The following PPM1L variants were observed in gnomAD, a reference collection of about 807,000 sequenced individuals.
The protein encoded by PPM1L is protein phosphatase, Mg2+/Mn2+ dependent 1L, also known as protein phosphatase 1L.
PPM1L carries 13 observed loss-of-function variants against 31.4 expected under a neutral mutation model. That is an observed-to-expected ratio of 0.41 (90% CI 0.27 to 0.66). PPM1L has a LOEUF of 0.66. Ranked by LOEUF, PPM1L falls within the 30% of genes least tolerant of loss-of-function variation. The pLI is 0.29. For synonymous variants in PPM1L, 184 were observed against 175.4 expected, an observed-to-expected ratio of 1.05 and a Z score of -0.39; for missense variants, 326 against 453.7, an observed-to-expected ratio of 0.72 and a Z score of 2.56.
chr3:161,020,327 T>C (rs1718206388), intron 2 of PPM1L, among the ~76,000 whole-genome samples: 1 of 152,054 alleles, frequency 6.6e-6, no homozygotes, highest in African/African-American at 2.4e-5. Context: ...AACTTATAAG[T>C]AATTGAGAAA....
At chr3:161,003,906 C>A (rs914712727) in intron 2 of PPM1L, among the ~76,000 whole-genome samples, 1 of 150,550 alleles carries the variant, frequency 6.6e-6, no homozygotes, top group Non-Finnish European at 1.5e-5. Context: ...GAGGGCATCC[C>A]TGTCTTGTGC....
intron 1 of PPM1L, among the ~76,000 whole-genome samples, chr3:160,916,640 T>C (rs548563250): frequency 6.6e-6 from 1 of 151,982 alleles, no homozygotes; most frequent in Non-Finnish European, 1.5e-5. Context: ...TAAAAAAAAT[T>C]TTTTTTAAGA....
chr3:160,898,690 A>G (rs1451919611), intron 1 of PPM1L, among the ~76,000 whole-genome samples: 7 of 152,156 alleles, frequency 4.6e-5, no homozygotes, highest in Non-Finnish European at 1.0e-4. Context: ...CTGACGATAA[A>G]GTTCTAATTC....
intron 1 of PPM1L, among the ~76,000 whole-genome samples, chr3:160,909,732 C>T (rs1039544943): frequency 2.0e-5 from 3 of 152,204 alleles, no homozygotes; most frequent in Admixed American, 1.3e-4. Context: ...AATCAGGGAA[C>T]TGCAGTTGTC....
At chr3:161,002,758 G>C (rs1368769210) in intron 2 of PPM1L, among the ~76,000 whole-genome samples, 2 of 142,808 alleles carry the variant, frequency 1.4e-5, no homozygotes, top group African/African-American at 2.7e-5. Context: ...AGATGAGTAG[G>C]TTGTGAAAAT....
At chr3:160,772,278 C>G (rs192555679) in intron 1 of PPM1L, among the ~76,000 whole-genome samples, 1 of 152,246 alleles carries the variant, frequency 6.6e-6, no homozygotes, top group Admixed American at 6.5e-5. Context: ...TTATGTAATG[C>G]AAACAGATTT....
intron 2 of PPM1L, among the ~76,000 whole-genome samples, chr3:160,997,881 A>G (rs1387572167): frequency 6.6e-6 from 1 of 152,184 alleles, no homozygotes; most frequent in Non-Finnish European, 1.5e-5. Flanking sequence ...ATAAAATTGT[A>G]TATGTCCTGA....
At chr3:161,001,423 C>A (rs1437242276) in intron 2 of PPM1L, among the ~76,000 whole-genome samples, 2 of 152,108 alleles carry the variant, frequency 1.3e-5, no homozygotes, top group Non-Finnish European at 2.9e-5. Flanking sequence ...GTTGGGACTA[C>A]AGGTGTGTGC....
chr3:161,069,213 TTTTAA>T lies in PPM1L; in HGVS notation c.*61_*65del. On this transcript the variant is annotated 3_prime_UTR_variant, in exon 4 of 4. Transcript: ENST00000498165. ...AAAGGACTTTCAACACACTGGTCTC[TTTTAA>T]TTTAGTGAAAAGTGTGGGAGTTGTA... 1 of 1,300,366 alleles carries T rather than the reference TTTTAA, an allele frequency of 7.7e-7. No homozygotes were observed. Among genetic ancestry groups the T allele is most frequent in the Non-Finnish European group, 1.1e-6 (1 of 945,434 alleles). The allele number at this position is 1,300,366 out of a possible 1,614,324, so 80.6% of individuals were successfully genotyped here.
chr3:160,850,309 C>G (rs1241887256), intron 1 of PPM1L, among the ~76,000 whole-genome samples: 1 of 152,194 alleles, frequency 6.6e-6, no homozygotes, highest in Non-Finnish European at 1.5e-5. Context: ...GTTGACCCAG[C>G]AAGAGCAGTT....
chr3:160,969,149 A>G lies in PPM1L; in HGVS notation c.574+7239A>G, dbSNP rs1716243887. Among the ~76,000 whole-genome samples the G allele has an allele frequency of 2.0e-5, 3 of 152,208 alleles. No homozygotes were observed. In the South Asian group the frequency reaches 6.2e-4, roughly 31 times the overall value. On this transcript the variant is annotated intron_variant, in intron 2 of 3. Coordinates refer to ENST00000498165, the MANE Select transcript of PPM1L (RefSeq NM_139245.4). ...CCAGAGGAGGTGAGAAAGGAGGAGC[A>G]GCATTAATTTCTCAGCTTTTGCTTT...
intron 1 of PPM1L, among the ~76,000 whole-genome samples, chr3:160,896,379 C>G (rs1713335699): frequency 6.6e-6 from 1 of 151,954 alleles, no homozygotes; most frequent in South Asian, 2.1e-4. Flanking sequence ...AATCTATTTT[C>G]CATTTATATT....
chr3:160,813,098 A>G (rs988668262), intron 1 of PPM1L, among the ~76,000 whole-genome samples: 5 of 152,156 alleles, frequency 3.3e-5, no homozygotes, highest in Non-Finnish European at 7.3e-5. Context: ...CTGGATGTCA[A>G]ATATTTATTT....
chr3:160,950,275 A>G (rs1178168257), intron 1 of PPM1L, among the ~76,000 whole-genome samples: 2 of 152,116 alleles, frequency 1.3e-5, no homozygotes, highest in African/African-American at 4.8e-5. Flanking sequence ...CCTCCTTAAA[A>G]TATTTACCTT....
At chr3:161,039,934 T>A (rs1559933725) in intron 2 of PPM1L, among the ~76,000 whole-genome samples, 1 of 152,220 alleles carries the variant, frequency 6.6e-6, no homozygotes, top group Non-Finnish European at 1.5e-5. Flanking sequence ...TCAAATAAAC[T>A]TCTCCAAATA....
At chr3:160,769,489 A>C (rs1474943505) in intron 1 of PPM1L, among the ~76,000 whole-genome samples, 1 of 152,152 alleles carries the variant, frequency 6.6e-6, no homozygotes, top group East Asian at 1.9e-4. Context: ...AGAAACTACT[A>C]GTAGGTGTTA....
At chr3:160,981,307 G>C (rs1716789748) in intron 2 of PPM1L, among the ~76,000 whole-genome samples, 1 of 152,180 alleles carries the variant, frequency 6.6e-6, no homozygotes, top group African/African-American at 2.4e-5. Context: ...CAGGGGAGCA[G>C]TCTCTGAAGA....
chr3:161,022,191 C>A, intron 2 of PPM1L: 1 of 669,908 alleles, frequency 1.5e-6, no homozygotes, highest in Non-Finnish European at 2.7e-6. Context: ...CTGCAAGTAA[C>A]ACCTTAGCTT....
At chr3:161,054,009 G>A (rs1719347429) in intron 2 of PPM1L, among the ~76,000 whole-genome samples, 1 of 152,152 alleles carries the variant, frequency 6.6e-6, no homozygotes, top group Non-Finnish European at 1.5e-5. Flanking sequence ...TTTAGCACAT[G>A]ATGAGGGGAA....
Sources: gnomAD v4.1 joint callset for allele counts (sites outside exome capture counted in the v4.1 genomes callset) on GRCh38, gnomAD v4.1.1 for gene constraint, MANE v1.5 for transcripts, NCBI Gene and HGNC (gene_info 2026-07-23, HGNC 2026-07-21) for gene names.